TRAP1: variants seen among roughly 807,000 people sequenced by gnomAD.
TRAP1 encodes the protein heat shock protein 75 kDa, mitochondrial.
A neutral mutation model predicts 89.1 loss-of-function variants in TRAP1; 102 were observed. That is an observed-to-expected ratio of 1.15 (90% CI 0.98 to 1.35). The LOEUF is 1.35. Ranked by LOEUF, TRAP1 falls within the 40% of genes most tolerant of loss-of-function variation. The probability of loss-of-function intolerance (pLI) is 0.00; values close to 1 mark genes in which losing one functional copy is unlikely to be tolerated. For missense variants in TRAP1, 1,256 were observed against 945.3 expected, an observed-to-expected ratio of 1.33 and a Z score of -4.31; for synonymous variants, 508 against 388.0, an observed-to-expected ratio of 1.31 and a Z score of -3.64.
At chr16:3,684,799 G>C (rs985145944) in intron 4 of TRAP1, among the ~76,000 whole-genome samples, 1 of 151,964 alleles carries the variant, frequency 6.6e-6, no homozygotes, top group Non-Finnish European at 1.5e-5. Flanking sequence ...CCAAAAAAAA[G>C]GAAAAAAGAT....
chr16:3,664,407 T>G lies in TRAP1; in HGVS notation c.1436A>C (p.Gln479Pro), dbSNP rs1357593357. The G allele has an allele frequency of 6.2e-7, 1 of 1,611,224 alleles. No individual in the cohort carries two copies. The highest frequency in any genetic ancestry group is 1.3e-5 in the African/African-American group (1 of 74,880). ...RYESSALPSG[Q>P]LTSLSEYASR... is the part of the protein sequence containing the mutation. ...GGCGTATTCTGAGAGGCTGGTTAGC[T>G]GCCCGGAGGGCAGCGCCGAGGACTC... Residue 479 changes from glutamine to proline, a missense_variant, in exon 13 of 18, where the codon CAG becomes CCG. Transcript: ENST00000246957.
At chr16:3,661,018 G>A (rs2043045188) in intron 16 of TRAP1, 1 of 152,032 alleles carries the variant, frequency 6.6e-6, no homozygotes, top group Non-Finnish European at 1.5e-5. Flanking sequence ...TTGGTAACAT[G>A]TTTATGTAAC....
intron 5 of TRAP1, 88 bp from the exon 6 acceptor site, chr16:3,677,746 A>C: frequency 6.9e-7 from 1 of 1,458,130 alleles, no homozygotes; most frequent in East Asian, 2.3e-5. Flanking sequence ...AGCACCGCTA[A>C]GACCCCTTCA....
chr16:3,705,863 ATT>A (rs1022505445), intron 1 of TRAP1, among the ~76,000 whole-genome samples: 5 of 148,758 alleles, frequency 3.4e-5, no homozygotes, highest in African/African-American at 7.5e-5. Flanking sequence ...ATATATATAT[ATT>A]TTTTTTTAGT....
intron 15 of TRAP1, 105 bp downstream of exon 15, chr16:3,662,777 G>C (rs1261164353): frequency 9.4e-7 from 1 of 1,064,902 alleles, no homozygotes; most frequent in Non-Finnish European, 1.4e-6. Context: ...GGCTTCTGCT[G>C]CTGCTGGAAG....
At chr16:3,700,413 C>G (rs1419356917) in intron 1 of TRAP1, among the ~76,000 whole-genome samples, 1 of 151,274 alleles carries the variant, frequency 6.6e-6, no homozygotes, top group Non-Finnish European at 1.5e-5. Flanking sequence ...GTGATCCGCC[C>G]ACATCGGCCT....
intron 4 of TRAP1, chr16:3,680,012 T>C (rs2051053967): frequency 5.9e-6 from 3 of 507,380 alleles, no homozygotes; most frequent in Non-Finnish European, 1.1e-5. Flanking sequence ...GGCGGATCAC[T>C]TGAGGCCAGG....
intron 5 of TRAP1, among the ~76,000 whole-genome samples, chr16:3,679,310 GA>G (rs369607276): frequency 6.6e-6 from 1 of 150,732 alleles, no homozygotes; most frequent in Admixed American, 6.6e-5. Flanking sequence ...AAAATACTCA[GA>G]AAAAAAATAA....
chr16:3,673,999 C>T (rs1213334746), intron 9 of TRAP1, among the ~76,000 whole-genome samples: 1 of 152,218 alleles, frequency 6.6e-6, no homozygotes, highest in Non-Finnish European at 1.5e-5. Flanking sequence ...CCAGCCTGCA[C>T]TGAGATGCCC....
chr16:3,675,492 A>T, intron 7 of TRAP1, 95 bp from the exon 8 acceptor site: 1 of 1,224,006 alleles, frequency 8.2e-7, no homozygotes, highest in Non-Finnish European at 1.2e-6. Context: ...GCCTGCTGGG[A>T]AGGGTCCTCC....
intron 5 of TRAP1, chr16:3,677,963 GCTTGAATAAGCTCTTTCC>G: frequency 3.2e-6 from 1 of 311,622 alleles, no homozygotes; most frequent in South Asian, 4.4e-5. Flanking sequence ...GGAAAGAGCA[GCTTGAATAAGCTCTTTCC>G]CTTGAATAAG....
intron 1 of TRAP1, among the ~76,000 whole-genome samples, chr16:3,699,730 C>A (rs181264224): frequency 6.6e-6 from 1 of 151,560 alleles, no homozygotes; most frequent in African/African-American, 2.4e-5. Context: ...TGCAGTGGTA[C>A]AGTCATGGCT....
chr16:3,709,605 G>A (rs551275611), intron 1 of TRAP1, among the ~76,000 whole-genome samples: 4 of 152,234 alleles, frequency 2.6e-5, no homozygotes, highest in South Asian at 2.1e-4. Flanking sequence ...TGCAAGGTAC[G>A]GAAGATTACA....
At chr16:3,694,949 G>C (rs555070446) in intron 1 of TRAP1, among the ~76,000 whole-genome samples, 15 of 152,332 alleles carry the variant, frequency 9.8e-5, no homozygotes, top group African/African-American at 2.6e-4. Context: ...GGGAGGGTCT[G>C]TTTGCGCCTC....
In TRAP1 at chr16:3,663,551, G is replaced by A. The variant is rs139762156; in HGVS notation, c.1581C>T (p.Cys527=). The change falls in exon 14 of 18, where the codon TGC becomes TGT. Residue 527 remains cysteine, a synonymous_variant. Coordinates refer to ENST00000246957, the MANE Select transcript of TRAP1 (RefSeq NM_016292.3). Reference sequence around the variant, plus strand: ...GGGTGAGCTCATCAAACTGCTCAAAGCAGAAGAGAACCTGCAGGTGGCCAA... The same window carrying A: ...GGGTGAGCTCATCAAACTGCTCAAAACAGAAGAGAACCTGCAGGTGGCCAA... The part of the protein sequence containing the change: ...MKKKDTEVLF[C]FEQFDELTLL... 1.9e-6 allele frequency: 3 copies of A among 1,613,820 alleles called. No individual in the cohort carries two copies. Among genetic ancestry groups the A allele is most frequent in the Non-Finnish European group, 2.5e-6 (3 of 1,179,978 alleles).
chr16:3,665,093 G>A (rs913751740), intron 12 of TRAP1: 1 of 152,468 alleles, frequency 6.6e-6, no homozygotes, highest in African/African-American at 2.4e-5. Flanking sequence ...GGTCTGCATT[G>A]ATAAGACATG....
intron 16 of TRAP1, chr16:3,659,749 TTAGATAGATAGATAGATAGA>T (rs3068078): frequency 5.7e-5 from 8 of 140,244 alleles, no homozygotes; most frequent in East Asian, 4.2e-4. Flanking sequence ...ACTTTTTTTT[TTAGATAGATAGATAGATAGA>T]TAGATAGATA....
chr16:3,660,893 C>G (rs2043035986), intron 16 of TRAP1: 1 of 152,036 alleles, frequency 6.6e-6, no homozygotes, highest in Non-Finnish European at 1.5e-5. Flanking sequence ...CACTGCACTC[C>G]AACCTGGGGG....
At chr16:3,659,964 T>C (rs1429928998) in intron 16 of TRAP1, 1 of 152,172 alleles carries the variant, frequency 6.6e-6, no homozygotes, top group Non-Finnish European at 1.5e-5. Context: ...TGACCTCAAG[T>C]GATCCACCCG....
Sources: allele counts gnomAD v4.1 joint callset (sites outside exome capture counted in the v4.1 genomes callset), GRCh38; gene constraint gnomAD v4.1.1; transcripts MANE v1.5; gene names NCBI Gene and HGNC (gene_info 2026-07-23, HGNC 2026-07-21).